RIMBP2: variants seen among roughly 807,000 people sequenced by gnomAD.
The protein encoded by RIMBP2 is RIMS-binding protein 2.
In RIMBP2, 48 loss-of-function variants were observed where a neutral mutation model predicts 118.6. The ratio of observed to expected loss-of-function variants is 0.40; its 90% CI spans 0.32 to 0.51. RIMBP2 has a LOEUF of 0.51. Among genes scored for constraint, RIMBP2 ranks in the 20% least tolerant of loss-of-function variants. The pLI, the probability that RIMBP2 is intolerant of heterozygous loss-of-function variation, is 0.41. For missense variants in RIMBP2, 1,551 were observed against 1,768.3 expected, an observed-to-expected ratio of 0.88 and a Z score of 2.20; for synonymous variants, 762 against 742.9, an observed-to-expected ratio of 1.03 and a Z score of -0.42.
intron 1 of RIMBP2, among the ~76,000 whole-genome samples, chr12:130,632,400 T>C (rs2062052045): frequency 6.6e-6 from 1 of 152,240 alleles, no homozygotes. Flanking sequence ...CATTTTTTTT[T>C]TCTAGTTCTA....
At position 130,515,702 on chromosome 12, in the gene RIMBP2, AT is replaced by A. The variant is rs34092889; in HGVS notation, c.-127+2125del. Among the ~76,000 whole-genome samples the A allele has an allele frequency of 1.5e-3, 229 of 149,666 alleles. 11 individuals are homozygous for A. In the East Asian group the frequency reaches 0.036, roughly 24 times the overall value. On this transcript the variant is annotated intron_variant, in intron 3 of 22. Coordinates refer to ENST00000690449, the MANE Select transcript of RIMBP2 (RefSeq NM_001393629.1). ...TATCTATTTGAGACCCTCCTTTTCAATTTTTTTTTTCTTGAGACTGAGTTTT... is the reference window on the plus strand; with the variant it reads ...TATCTATTTGAGACCCTCCTTTTCAATTTTTTTTTCTTGAGACTGAGTTTT...
chr12:130,680,666 G>A (rs534086706), intron 1 of RIMBP2, among the ~76,000 whole-genome samples: 2 of 152,202 alleles, frequency 1.3e-5, no homozygotes, highest in Non-Finnish European at 2.9e-5. Flanking sequence ...GGGGCATTTC[G>A]GTTATTGCAA....
chr12:130,412,552 T>C, intron 19 of RIMBP2, 67 bp downstream of exon 19: 1 of 1,427,786 alleles, frequency 7.0e-7, no homozygotes, highest in Non-Finnish European at 9.7e-7. Flanking sequence ...ACCGCCTGCC[T>C]CTCTGAGCGG....
chr12:130,510,504 T>C (rs112823391), intron 3 of RIMBP2, among the ~76,000 whole-genome samples: 16,556 of 152,180 alleles, frequency 0.11, 1,055 homozygotes, highest in Middle Eastern at 0.25. Flanking sequence ...AGTCTCGCTC[T>C]GTCACCCAGG....
intron 1 of RIMBP2, among the ~76,000 whole-genome samples, chr12:130,668,857 T>G (rs2064070450): frequency 6.6e-6 from 1 of 152,214 alleles, no homozygotes; most frequent in Non-Finnish European, 1.5e-5. Flanking sequence ...TCTCTCTTTC[T>G]CTGGGTGCCA....
chr12:130,596,683 G>A (rs1274700057), intron 2 of RIMBP2, among the ~76,000 whole-genome samples: 1 of 152,192 alleles, frequency 6.6e-6, no homozygotes, highest in Non-Finnish European at 1.5e-5. Context: ...GGTAACAGTT[G>A]TTAAATGAAA....
intron 2 of RIMBP2, among the ~76,000 whole-genome samples, chr12:130,613,251 G>A (rs539735000): frequency 4.6e-5 from 7 of 152,284 alleles, no homozygotes; most frequent in South Asian, 2.1e-4. Flanking sequence ...AGGGGACGCC[G>A]CCCCCAGGTA....
At chr12:130,612,806 G>A (rs1015266099) in intron 2 of RIMBP2, among the ~76,000 whole-genome samples, 11 of 152,124 alleles carry the variant, frequency 7.2e-5, no homozygotes, top group Non-Finnish European at 1.3e-4. Context: ...GACCCCATCC[G>A]GGTGAAGCAA....
intron 12 of RIMBP2, 30 bp downstream of exon 12, chr12:130,438,335 A>ACCCAACCCCC: frequency 1.2e-6 from 1 of 865,010 alleles, no homozygotes; most frequent in Non-Finnish European, 1.9e-6. Flanking sequence ...GGCCTAACAA[A>ACCCAACCCCC]CCCTCCCCAC....
chr12:130,460,762 A>G (rs1272475271), intron 6 of RIMBP2, among the ~76,000 whole-genome samples: 1 of 152,130 alleles, frequency 6.6e-6, no homozygotes, highest in Non-Finnish European at 1.5e-5. Flanking sequence ...TCCCCCGCAG[A>G]TTCCCCAGGG....
In RIMBP2 at chr12:130,670,758, GA is replaced by G. The variant is rs2064159532; in HGVS notation, c.-351-42303del. On this transcript the variant is annotated intron_variant, in intron 1 of 22. Transcript: ENST00000690449. This position sits in a 1 kb window ranked among gnomAD's most constrained non-coding sequence, Gnocchi z 4.9. The stretch of plus-strand genomic sequence containing the variant: ...GAGAAGTCTGTTAAAGAAGATTTAG[GA>G]AGACTTTTCTTTCCATTTATTTATT... Among the ~76,000 whole-genome samples, 1 of 152,124 alleles carries G rather than the reference GA, an allele frequency of 6.6e-6. No individual in the cohort carries two copies. The highest frequency in any genetic ancestry group is 2.4e-5 in the African/African-American group (1 of 41,404).
chr12:130,485,715 C>G (rs1330328779), intron 4 of RIMBP2, among the ~76,000 whole-genome samples: 2 of 152,292 alleles, frequency 1.3e-5, no homozygotes, highest in South Asian at 4.2e-4. Flanking sequence ...TAGGTAGATT[C>G]ACCAGGCACC....
intron 6 of RIMBP2, among the ~76,000 whole-genome samples, chr12:130,459,808 G>A (rs1415333363): frequency 3.9e-5 from 6 of 152,200 alleles, no homozygotes; most frequent in East Asian, 1.9e-4. Flanking sequence ...AGGGTGAGCC[G>A]AGCAGCAGCT....
chr12:130,631,536 G>C lies in RIMBP2; in HGVS notation c.-351-3080C>G, dbSNP rs564182397. Among the ~76,000 whole-genome samples the C allele has an allele frequency of 2.9e-4, 44 of 152,176 alleles. 1 individual carries two copies. The highest frequency in any genetic ancestry group is 9.9e-4 in the African/African-American group (41 of 41,512). On this transcript the variant is annotated intron_variant, in intron 1 of 22. Transcript: ENST00000690449. Reference sequence around the variant, plus strand: ...GCAACCAGAGGCCAGTAGCACACACGTTTCCCTGAATCATGACAAACAGAA... The same window carrying C: ...GCAACCAGAGGCCAGTAGCACACACCTTTCCCTGAATCATGACAAACAGAA...
At chr12:130,659,791 A>G (rs1490823836) in intron 1 of RIMBP2, among the ~76,000 whole-genome samples, 1 of 151,350 alleles carries the variant, frequency 6.6e-6, no homozygotes, top group Non-Finnish European at 1.5e-5. Flanking sequence ...TGGCCAACAT[A>G]GTGAAACCTC....
At position 130,667,069 on chromosome 12, in the gene RIMBP2, GA is replaced by G. The variant is rs2063964048; in HGVS notation, c.-351-38614del. ...GGAGGGAGGGAGAAAAGGAAGAAGGGAGGGAGGAAAAAATGAGGGAGGGAGG... is the reference window on the plus strand; with the variant it reads ...GGAGGGAGGGAGAAAAGGAAGAAGGGGGGAGGAAAAAATGAGGGAGGGAGG... On this transcript the variant is annotated intron_variant, in intron 1 of 22. Coordinates refer to ENST00000690449, the MANE Select transcript of RIMBP2 (RefSeq NM_001393629.1). Among the ~76,000 whole-genome samples the G allele has an allele frequency of 2.2e-3, 242 of 108,116 alleles. 2 individuals are homozygous for G. Among genetic ancestry groups the G allele is most frequent in the Non-Finnish European group, 2.7e-3 (135 of 50,700 alleles). The allele number at this position is 108,116 out of a possible 152,430, so 70.9% of individuals were successfully genotyped here.
chr12:130,492,978 A>C (rs894958691), intron 4 of RIMBP2, among the ~76,000 whole-genome samples: 2 of 152,138 alleles, frequency 1.3e-5, no homozygotes, highest in African/African-American at 4.8e-5. Flanking sequence ...AAAAATACAA[A>C]AAATTAGCCA....
At chr12:130,649,754 C>G (rs1225799461) in intron 1 of RIMBP2, among the ~76,000 whole-genome samples, 2 of 152,092 alleles carry the variant, frequency 1.3e-5, no homozygotes, top group Non-Finnish European at 2.9e-5. Flanking sequence ...CTCCCTGCCC[C>G]CTGCTCACAG....
At chr12:130,455,324 C>T (rs1333534921) in intron 7 of RIMBP2, among the ~76,000 whole-genome samples, 3 of 152,220 alleles carry the variant, frequency 2.0e-5, no homozygotes, top group African/African-American at 7.2e-5. Flanking sequence ...CACCTCATCA[C>T]CTGGTCTTCA....
Sources: allele counts gnomAD v4.1 joint callset (sites outside exome capture counted in the v4.1 genomes callset), GRCh38; gene constraint gnomAD v4.1.1; non-coding constraint Gnocchi (gnomAD v3.1); transcripts MANE v1.5; gene names NCBI Gene and HGNC (gene_info 2026-07-23, HGNC 2026-07-21).